The following TENM3 variants were observed in gnomAD, a reference collection of about 807,000 sequenced individuals.
The protein encoded by TENM3 is teneurin-3.
In TENM3, 63 loss-of-function variants were observed where a neutral mutation model predicts 255.1. The observed-to-expected ratio is 0.25, with a 90% CI of 0.20 to 0.30. The LOEUF is 0.30. Ranked by LOEUF, TENM3 falls within the 10% of genes least tolerant of loss-of-function variation. The probability of loss-of-function intolerance (pLI) is 1.00; values close to 1 mark genes in which losing one functional copy is unlikely to be tolerated. For synonymous variants in TENM3, 1,306 were observed against 1,322.3 expected (o/e 0.99, Z 0.27); for missense variants, 2,929 against 3,461.1 (o/e 0.85, Z 3.86).
chr4:182,452,771 C>T (rs1459791595), intron 3 of TENM3, among the ~76,000 whole-genome samples: 1 of 152,116 alleles, frequency 6.6e-6, no homozygotes, highest in Non-Finnish European at 1.5e-5. Context: ...ATTTATTATG[C>T]TTAGATTTAT....
At chr4:182,457,556 A>ATTTTTT (rs1313518502) in intron 3 of TENM3, among the ~76,000 whole-genome samples, 9 of 38,984 alleles carry the variant, frequency 2.3e-4, no homozygotes, top group Admixed American at 8.4e-4. Flanking sequence ...AATCATGTAT[A>ATTTTTT]TCTTTTTTTT....
At chr4:181,804,973 G>C in the TENM3 span, among the ~76,000 whole-genome samples, 2 of 152,010 alleles carry the variant, frequency 1.3e-5, no homozygotes, top group African/African-American at 4.8e-5. Flanking sequence ...TCTCTCACCC[G>C]TCCCCTGATT....
At chr4:181,697,464 G>T in the TENM3 span, among the ~76,000 whole-genome samples, 1 of 152,122 alleles carries the variant, frequency 6.6e-6, no homozygotes, top group Non-Finnish European at 1.5e-5. Flanking sequence ...CGTGATCTTG[G>T]CTCTCTGCAA....
the TENM3 span, among the ~76,000 whole-genome samples, chr4:181,662,660 A>G: frequency 6.6e-6 from 1 of 152,182 alleles, no homozygotes; most frequent in African/African-American, 2.4e-5. Flanking sequence ...GACACAAAAC[A>G]ATTGAACCAT....
chr4:182,135,577 A>C, the TENM3 span, among the ~76,000 whole-genome samples: 4 of 152,248 alleles, frequency 2.6e-5, no homozygotes, highest in African/African-American at 9.6e-5. Context: ...TTGTATTTTA[A>C]ATTTCTAAAG....
chr4:182,673,244 A>G lies in TENM3; in HGVS notation c.1326+25A>G, dbSNP rs538817951. On this transcript the variant is annotated intron_variant, in intron 7 of 27. Coordinates refer to ENST00000511685, the MANE Select transcript of TENM3 (RefSeq NM_001080477.4). ...GGTAAGACTAGGCTTTCTTATCAAT[A>G]AAATAAAAACTGCCAGTTGCATTTT... The G allele has an allele frequency of 7.9e-6, 12 of 1,514,936 alleles. No homozygotes were observed. In the African/African-American group the frequency reaches 1.7e-4, roughly 21 times the overall value. The allele number at this position is 1,514,936 out of a possible 1,614,324, so 93.8% of individuals were successfully genotyped here.
rs925254940 is a variant in TENM3 at position 182,521,702 on chromosome 4, A to G, written c.512-79222A>G. 2.0e-5 allele frequency among the ~76,000 whole-genome samples: 3 copies of G among 152,228 alleles called. No homozygotes were observed. The South Asian group carries it at 6.2e-4, about 32-fold the overall frequency. On this transcript the variant is annotated intron_variant, in intron 3 of 27. Coordinates refer to ENST00000511685, the MANE Select transcript of TENM3 (RefSeq NM_001080477.4). ...ATTTTTAAATAATTCCCTATTTTTA[A>G]TGCGTTTCAAGAGTATCCTGAATGT...
intron 1 of TENM3, among the ~76,000 whole-genome samples, chr4:182,236,250 A>C (rs1193807285): frequency 6.6e-6 from 1 of 152,254 alleles, no homozygotes; most frequent in Non-Finnish European, 1.5e-5. Flanking sequence ...TACACTGAAT[A>C]AGACATCATA....
chr4:181,626,324 G>A, the TENM3 span, among the ~76,000 whole-genome samples: 1 of 152,152 alleles, frequency 6.6e-6, no homozygotes, highest in Non-Finnish European at 1.5e-5. Context: ...AGGACAGGAA[G>A]GTGGATAGGG....
Position 182,589,287 on chromosome 4 carries a change from TC to T in TENM3, c.512-11635del, listed in dbSNP as rs200126107. 4.9e-3 allele frequency among the ~76,000 whole-genome samples: 743 copies of T among 152,240 alleles called. 8 individuals are homozygous for T. Among genetic ancestry groups the T allele is most frequent in the African/African-American group, 0.016 (657 of 41,556 alleles). On this transcript the variant is annotated intron_variant, in intron 3 of 27. Transcript: ENST00000511685. ...CTGAATGATTTTCTCAGATCTGTTTTCCAGTTTAATGGTACTCTCTATAATT... is the reference window on the plus strand; with the variant it reads ...CTGAATGATTTTCTCAGATCTGTTTTCAGTTTAATGGTACTCTCTATAATT...
chr4:182,042,104 A>G, the TENM3 span, among the ~76,000 whole-genome samples: 1 of 152,060 alleles, frequency 6.6e-6, no homozygotes, highest in Non-Finnish European at 1.5e-5. Flanking sequence ...GTGAGTGCAC[A>G]CACACGTGCT....
intron 1 of TENM3, among the ~76,000 whole-genome samples, chr4:182,236,474 G>A (rs543658221): frequency 6.6e-6 from 1 of 152,266 alleles, no homozygotes; most frequent in African/African-American, 2.4e-5. Flanking sequence ...TGTGTGAAAT[G>A]CCTGATTTCC....
chr4:182,318,795 T>A (rs1055257553), intron 1 of TENM3, among the ~76,000 whole-genome samples: 2 of 152,138 alleles, frequency 1.3e-5, no homozygotes, highest in Admixed American at 1.3e-4. Context: ...TGAGACAGAG[T>A]CGCACTCTGT....
the TENM3 span, among the ~76,000 whole-genome samples, chr4:181,667,890 T>A: frequency 6.6e-6 from 1 of 152,154 alleles, no homozygotes; most frequent in East Asian, 1.9e-4. Flanking sequence ...TAACCACTTG[T>A]CCTCTGTTCA....
chr4:182,043,879 C>A, the TENM3 span, among the ~76,000 whole-genome samples: 1 of 152,156 alleles, frequency 6.6e-6, no homozygotes, highest in Non-Finnish European at 1.5e-5. Flanking sequence ...CCTACGAAAG[C>A]CACTATAATA....
intron 3 of TENM3, among the ~76,000 whole-genome samples, chr4:182,352,264 C>T (rs1765239165): frequency 6.6e-6 from 1 of 152,086 alleles, no homozygotes; most frequent in East Asian, 1.9e-4. Context: ...TTCTCCAAAA[C>T]CCCACATCCC....
At chr4:182,258,443 C>G (rs574499146) in intron 1 of TENM3, among the ~76,000 whole-genome samples, 1 of 152,220 alleles carries the variant, frequency 6.6e-6, no homozygotes, top group Non-Finnish European at 1.5e-5. Context: ...TCAGTACATA[C>G]AAACGCTCAT....
At position 182,755,828 on chromosome 4, in the gene TENM3, C is replaced by T. The variant is rs146152171; in HGVS notation, c.4892+569C>T. Among the ~76,000 whole-genome samples, 705 of 151,644 alleles carry T rather than the reference C, an allele frequency of 4.6e-3. 4 individuals are homozygous for T. The highest frequency in any genetic ancestry group is 0.016 in the African/African-American group (652 of 41,332). On this transcript the variant is annotated intron_variant, in intron 22 of 27. Transcript: ENST00000511685. Reference sequence around the variant, plus strand: ...GCACTCCAGTCTCTGGGCGACAGAGCGAGACTCCGCCTCAAAAAAAAAAAG... The same window carrying T: ...GCACTCCAGTCTCTGGGCGACAGAGTGAGACTCCGCCTCAAAAAAAAAAAG...
intron 3 of TENM3, among the ~76,000 whole-genome samples, chr4:182,521,390 A>T (rs1355463603): frequency 6.6e-6 from 1 of 152,194 alleles, no homozygotes; most frequent in Non-Finnish European, 1.5e-5. Context: ...TTAGATGAAA[A>T]GGATTGTACA....
Sources: allele counts gnomAD v4.1 joint callset (sites outside exome capture counted in the v4.1 genomes callset), GRCh38; gene constraint gnomAD v4.1.1; transcripts MANE v1.5; gene names NCBI Gene and HGNC (gene_info 2026-07-23, HGNC 2026-07-21).